DNM3: variants seen among roughly 807,000 people sequenced by gnomAD.
The protein encoded by DNM3 is dynamin 3.
DNM3 carries 47 observed loss-of-function variants against 101.6 expected under a neutral mutation model. The observed-to-expected ratio is 0.46, with a 90% CI of 0.37 to 0.59. DNM3 has a LOEUF of 0.59. DNM3 is among the 20% of genes least tolerant of loss of function. DNM3 has a pLI of 0.00. For synonymous variants in DNM3, 385 were observed against 387.9 expected (o/e 0.99, Z 0.09); for missense variants, 849 against 1,085.7 (o/e 0.78, Z 3.06).
intron 14 of DNM3, among the ~76,000 whole-genome samples, chr1:172,140,992 C>G (rs1333464400): frequency 6.6e-6 from 1 of 151,642 alleles, no homozygotes; most frequent in Admixed American, 6.6e-5. Context: ...ATTATCATAC[C>G]ATGTAATTTT....
intron 2 of DNM3, among the ~76,000 whole-genome samples, chr1:171,968,694 C>A (rs2043770098): frequency 6.6e-6 from 1 of 152,112 alleles, no homozygotes; most frequent in African/African-American, 2.4e-5. Flanking sequence ...TCAGTCCAAA[C>A]CGATGGCCTC....
At chr1:172,322,760 C>G (rs974813301) in intron 16 of DNM3, among the ~76,000 whole-genome samples, 1 of 152,064 alleles carries the variant, frequency 6.6e-6, no homozygotes, top group Non-Finnish European at 1.5e-5. Context: ...GAGGTCGTAA[C>G]TTGGTCTGCT....
intron 17 of DNM3, among the ~76,000 whole-genome samples, chr1:172,375,236 G>C (rs542953893): frequency 3.9e-5 from 6 of 152,062 alleles, no homozygotes; most frequent in Admixed American, 6.6e-5. Flanking sequence ...CCTTCATCAT[G>C]ATCAATAGCA....
intron 17 of DNM3, among the ~76,000 whole-genome samples, chr1:172,377,328 A>G (rs956377902): frequency 6.6e-6 from 1 of 151,784 alleles, no homozygotes; most frequent in South Asian, 2.1e-4. Context: ...CTGGAATACA[A>G]TATTTGCTCA....
chr1:172,105,231 A>G (rs542336584), intron 13 of DNM3, among the ~76,000 whole-genome samples: 4 of 152,202 alleles, frequency 2.6e-5, no homozygotes, highest in African/African-American at 7.2e-5. Flanking sequence ...TTTAAAGTTT[A>G]CTCTATGGCT....
intron 4 of DNM3, among the ~76,000 whole-genome samples, chr1:172,012,062 T>G (rs547331828): frequency 1.3e-5 from 2 of 152,190 alleles, no homozygotes; most frequent in Admixed American, 1.3e-4. Context: ...GTATGCCAGC[T>G]TTTCATTATG....
At chr1:171,968,436 C>A (rs2043747762) in intron 2 of DNM3, among the ~76,000 whole-genome samples, 1 of 152,090 alleles carries the variant, frequency 6.6e-6, no homozygotes, top group South Asian at 2.1e-4. Flanking sequence ...AGAAATGGAC[C>A]AAGAAGGCAG....
chr1:172,354,276 G>C (rs536588981), intron 17 of DNM3, among the ~76,000 whole-genome samples: 1 of 152,174 alleles, frequency 6.6e-6, no homozygotes, highest in Non-Finnish European at 1.5e-5. Context: ...TGAAGGATGA[G>C]AGAGAACAGA....
intron 1 of DNM3, among the ~76,000 whole-genome samples, chr1:171,842,132 C>T (rs933246585): frequency 1.3e-5 from 2 of 152,088 alleles, no homozygotes; most frequent in Admixed American, 6.5e-5. Flanking sequence ...CGGGCTCGAC[C>T]CCCACCCCCT....
chr1:172,048,383 G>A (rs775527084), intron 9 of DNM3, among the ~76,000 whole-genome samples: 1 of 152,136 alleles, frequency 6.6e-6, no homozygotes, highest in African/African-American at 2.4e-5. Context: ...TTCTATTGTA[G>A]CATTTCTTTT....
chr1:172,147,036 C>G (rs933907527), intron 14 of DNM3, among the ~76,000 whole-genome samples: 1 of 151,982 alleles, frequency 6.6e-6, no homozygotes, highest in African/African-American at 2.4e-5. Context: ...ATTGAGTTCC[C>G]CTTAGAATAT....
intron 1 of DNM3, among the ~76,000 whole-genome samples, chr1:171,918,730 CTT>C (rs2039921430): frequency 6.6e-6 from 1 of 152,078 alleles, no homozygotes; most frequent in African/African-American, 2.4e-5. Flanking sequence ...ATTTATTACT[CTT>C]AATGCAAAGT....
At chr1:172,201,098 C>T (rs1355458059) in intron 14 of DNM3, among the ~76,000 whole-genome samples, 2 of 152,112 alleles carry the variant, frequency 1.3e-5, no homozygotes, top group Admixed American at 6.6e-5. Flanking sequence ...TTATTTGAAG[C>T]TGCCTTTTTG....
chr1:171,898,975 C>T (rs571617405), intron 1 of DNM3, among the ~76,000 whole-genome samples: 3 of 152,154 alleles, frequency 2.0e-5, no homozygotes, highest in East Asian at 1.9e-4. Flanking sequence ...TTGAAACTAA[C>T]GTGAGTTTGT....
intron 4 of DNM3, among the ~76,000 whole-genome samples, chr1:171,989,371 C>T (rs990846971): frequency 2.0e-5 from 3 of 151,576 alleles, no homozygotes; most frequent in Non-Finnish European, 4.4e-5. Context: ...TTTATATAGT[C>T]AAAATCTATA....
At chr1:172,361,059 C>T (rs1221399092) in intron 17 of DNM3, among the ~76,000 whole-genome samples, 3 of 151,978 alleles carry the variant, frequency 2.0e-5, no homozygotes, top group Admixed American at 6.6e-5. Context: ...TTTGAGCTCC[C>T]GCACAGGATG....
At chr1:171,943,408 A>G (rs1455845337) in intron 2 of DNM3, among the ~76,000 whole-genome samples, 1 of 152,172 alleles carries the variant, frequency 6.6e-6, no homozygotes, top group Non-Finnish European at 1.5e-5. Flanking sequence ...GGAATTACCA[A>G]TAGAACAGAC....
chr1:172,361,411 T>G (rs1418489354), intron 17 of DNM3, among the ~76,000 whole-genome samples: 1 of 152,004 alleles, frequency 6.6e-6, no homozygotes, highest in Non-Finnish European at 1.5e-5. Flanking sequence ...CTGGGAATTT[T>G]CAGGCCTGAG....
intron 1 of DNM3, among the ~76,000 whole-genome samples, chr1:171,868,240 A>G (rs1558187329): frequency 6.6e-6 from 1 of 151,964 alleles, no homozygotes; most frequent in Non-Finnish European, 1.5e-5. Context: ...AAGAGACAGG[A>G]TCTCTTAGGG....
Sources: gnomAD v4.1 joint callset for allele counts (sites outside exome capture counted in the v4.1 genomes callset) on GRCh38, gnomAD v4.1.1 for gene constraint, MANE v1.5 for transcripts, NCBI Gene and HGNC (gene_info 2026-07-23, HGNC 2026-07-21) for gene names.